PALM2AKAP2: variants seen among roughly 807,000 people sequenced by gnomAD.
The protein encoded by PALM2AKAP2 is PALM2-AKAP2 fusion protein.
PALM2AKAP2 carries 37 observed loss-of-function variants against 71.5 expected under a neutral mutation model. The observed-to-expected ratio is 0.52, with a 90% CI of 0.40 to 0.68. The LOEUF (loss-of-function observed/expected upper bound fraction) is 0.68, where lower values mean the gene tolerates loss of function less well. Among genes scored for constraint, PALM2AKAP2 ranks in the 30% least tolerant of loss-of-function variants. PALM2AKAP2 has a pLI of 0.00. For missense variants in PALM2AKAP2, 1,224 were observed against 1,191.8 expected (o/e 1.03, Z -0.40); for synonymous variants, 468 against 478.8 (o/e 0.98, Z 0.29).
intron 1 of PALM2AKAP2, among the ~76,000 whole-genome samples, chr9:109,644,916 A>T (rs114101840): frequency 0.016 from 2,459 of 152,332 alleles, 65 homozygotes; most frequent in African/African-American, 0.051. Flanking sequence ...GGTCAAGGCC[A>T]TTCAGCAAGT....
At chr9:110,072,388 A>G (rs569423492) in intron 1 of PALM2AKAP2, among the ~76,000 whole-genome samples, 32 of 152,190 alleles carry the variant, frequency 2.1e-4, no homozygotes, top group South Asian at 4.1e-4. Context: ...CAGAGGTCTC[A>G]AAAAACTGCC....
At chr9:110,019,869 T>C (rs974512732) in intron 7 of PALM2AKAP2, among the ~76,000 whole-genome samples, 1 of 152,170 alleles carries the variant, frequency 6.6e-6, no homozygotes, top group Non-Finnish European at 1.5e-5. Flanking sequence ...ATGGGTTCAG[T>C]AGAAGTCCAA....
chr9:110,032,276 T>C (rs1174178246), intron 7 of PALM2AKAP2, among the ~76,000 whole-genome samples: 3 of 152,122 alleles, frequency 2.0e-5, no homozygotes, highest in Non-Finnish European at 2.9e-5. Context: ...ATCAACTTAT[T>C]GGCCAAGCAT....
chr9:110,132,003 C>T (rs527769827), intron 1 of PALM2AKAP2, among the ~76,000 whole-genome samples: 1 of 151,136 alleles, frequency 6.6e-6, no homozygotes, highest in East Asian at 2.0e-4. Flanking sequence ...ACTGGAACCC[C>T]CAAACTTTGA....
At chr9:109,707,205 A>C (rs1405403820) in intron 1 of PALM2AKAP2, among the ~76,000 whole-genome samples, 1 of 152,038 alleles carries the variant, frequency 6.6e-6, no homozygotes, top group Non-Finnish European at 1.5e-5. Context: ...TGGTGATGGC[A>C]GTGGACATGT....
intron 3 of PALM2AKAP2, among the ~76,000 whole-genome samples, chr9:109,901,890 C>G (rs1421852352): frequency 6.6e-6 from 1 of 152,092 alleles, no homozygotes; most frequent in Non-Finnish European, 1.5e-5. Flanking sequence ...CGTGGCTGGG[C>G]CAGAGAAAGA....
intron 1 of PALM2AKAP2, among the ~76,000 whole-genome samples, chr9:110,066,602 G>A (rs1588087788): frequency 6.6e-6 from 1 of 151,888 alleles, no homozygotes; most frequent in Non-Finnish European, 1.5e-5. Context: ...GGAGGCTGAA[G>A]TGGGAAGATC....
At chr9:110,147,294 A>G (rs1220227477) in intron 2 of PALM2AKAP2, among the ~76,000 whole-genome samples, 3 of 151,746 alleles carry the variant, frequency 2.0e-5, no homozygotes, top group Non-Finnish European at 2.9e-5. Context: ...GGGAGAATAT[A>G]TGCTAAAATA....
chr9:109,693,319 C>T (rs1245229334), intron 1 of PALM2AKAP2, among the ~76,000 whole-genome samples: 1 of 151,850 alleles, frequency 6.6e-6, no homozygotes, highest in Admixed American at 6.6e-5. Context: ...AGTTTTCTTT[C>T]TTTCACTGCT....
At chr9:109,815,542 G>C (rs958547957) in intron 1 of PALM2AKAP2, among the ~76,000 whole-genome samples, 3 of 152,128 alleles carry the variant, frequency 2.0e-5, no homozygotes, top group East Asian at 1.9e-4. Flanking sequence ...ACAGAAACAG[G>C]GGGGTAGGTG....
chr9:109,833,950 C>T (rs1394783826), intron 1 of PALM2AKAP2, among the ~76,000 whole-genome samples: 3 of 152,202 alleles, frequency 2.0e-5, no homozygotes, highest in East Asian at 3.9e-4. Context: ...CAGTGGCTCA[C>T]GCCTATAAAC....
intron 1 of PALM2AKAP2, among the ~76,000 whole-genome samples, chr9:109,753,506 GC>G (rs1391259673): frequency 6.6e-6 from 1 of 152,158 alleles, no homozygotes; most frequent in Non-Finnish European, 1.5e-5. Context: ...AGGCTTTTCT[GC>G]GCCCTTGGGC....
chr9:110,160,549 A>AAG (rs1836571436), intron 3 of PALM2AKAP2, among the ~76,000 whole-genome samples: 1 of 152,190 alleles, frequency 6.6e-6, no homozygotes, highest in Non-Finnish European at 1.5e-5. Flanking sequence ...TTCAGGCATG[A>AAG]AGAACCCCTC....
At chr9:109,808,915 C>T (rs1827650593) in intron 1 of PALM2AKAP2, among the ~76,000 whole-genome samples, 1 of 152,230 alleles carries the variant, frequency 6.6e-6, no homozygotes, top group African/African-American at 2.4e-5. Flanking sequence ...AGGGTGCAAG[C>T]CCCAAGCCTT....
At chr9:110,005,312 G>GT (rs1305376464) in intron 6 of PALM2AKAP2, among the ~76,000 whole-genome samples, 1 of 152,226 alleles carries the variant, frequency 6.6e-6, no homozygotes, top group African/African-American at 2.4e-5. Flanking sequence ...GTTTGCCTGG[G>GT]TATCTGCAGC....
rs771704598 is a variant in PALM2AKAP2, at chr9:110,118,204, A to AAT, written c.157-17919_157-17918dup. 3.6e-3 allele frequency among the ~76,000 whole-genome samples: 267 copies of AAT among 74,576 alleles called. 2 individuals carry two copies. In the East Asian group the frequency reaches 0.037, roughly 10 times the overall value. 48.9% of individuals were successfully genotyped at this position (74,576 alleles called of 152,430 possible). ...TATATATTCCATGTATATATACAGA[A>AAT]ATATACACACACACACACAAATTAT... On this transcript the variant is annotated intron_variant, in intron 1 of 3. Transcript: ENST00000374525.
intron 1 of PALM2AKAP2, among the ~76,000 whole-genome samples, chr9:109,832,352 C>A (rs1405276753): frequency 6.6e-6 from 1 of 152,208 alleles, no homozygotes; most frequent in Non-Finnish European, 1.5e-5. Flanking sequence ...ATGGCAATGA[C>A]AATAACTGTA....
chr9:109,697,888 A>G (rs183847890), intron 1 of PALM2AKAP2, among the ~76,000 whole-genome samples: 1 of 152,274 alleles, frequency 6.6e-6, no homozygotes, highest in East Asian at 1.9e-4. Context: ...GAGTTTAATT[A>G]CCATTCATTT....
intron 1 of PALM2AKAP2, among the ~76,000 whole-genome samples, chr9:109,664,825 C>A (rs1264329667): frequency 6.6e-6 from 1 of 152,218 alleles, no homozygotes; most frequent in Non-Finnish European, 1.5e-5. Context: ...TTCTGGTACA[C>A]CAATCAAATG....
Sources: gnomAD v4.1 joint callset for allele counts (sites outside exome capture counted in the v4.1 genomes callset) on GRCh38, gnomAD v4.1.1 for gene constraint, MANE v1.5 for transcripts, NCBI Gene and HGNC (gene_info 2026-07-23, HGNC 2026-07-21) for gene names.